The following PGBD5 variants were observed in gnomAD, a reference collection of about 807,000 sequenced individuals.
The protein encoded by PGBD5 is piggyBac transposable element derived 5.
PGBD5 carries 14 observed loss-of-function variants against 47.9 expected under a neutral mutation model. The ratio of observed to expected loss-of-function variants is 0.29; its 90% CI spans 0.19 to 0.46. The LOEUF (loss-of-function observed/expected upper bound fraction) is 0.46. Ranked by LOEUF, PGBD5 falls within the 20% of genes least tolerant of loss-of-function variation. The probability of loss-of-function intolerance (pLI) is 1.00; values close to 1 mark genes in which losing one functional copy is unlikely to be tolerated. For synonymous variants in PGBD5, 316 were observed against 306.3 expected (o/e 1.03, Z -0.33); for missense variants, 635 against 716.0 (o/e 0.89, Z 1.29).
At chr1:230,390,553 C>T (rs1375389344) in intron 1 of PGBD5, among the ~76,000 whole-genome samples, 1 of 152,150 alleles carries the variant, frequency 6.6e-6, no homozygotes, top group Non-Finnish European at 1.5e-5. Context: ...GGGCATCTCA[C>T]CCAGAGGGTG....
intron 1 of PGBD5, among the ~76,000 whole-genome samples, chr1:230,419,236 A>G (rs1194386184): frequency 8.7e-6 from 1 of 115,190 alleles, no homozygotes; most frequent in Non-Finnish European, 1.8e-5. Context: ...TATAAAAAAG[A>G]AGGAAATCAC....
chr1:230,401,797 C>T (rs1326650714), intron 1 of PGBD5, among the ~76,000 whole-genome samples: 2 of 152,204 alleles, frequency 1.3e-5, no homozygotes, highest in African/African-American at 2.4e-5. Context: ...CTTGGAGGCG[C>T]CCTGGCAACA....
chr1:230,362,492 C>CG, intron 1 of PGBD5: 1 of 1,182,046 alleles, frequency 8.5e-7, no homozygotes. Context: ...CCTCCTGGGG[C>CG]TCCAGCTTCA....
intron 1 of PGBD5, among the ~76,000 whole-genome samples, chr1:230,408,126 T>C (rs1558214177): frequency 3.9e-5 from 6 of 152,154 alleles, no homozygotes. Context: ...AAATGTGTGG[T>C]AGAGTGACTA....
chr1:230,403,049 T>C (rs1657182295), intron 1 of PGBD5, among the ~76,000 whole-genome samples: 1 of 152,224 alleles, frequency 6.6e-6, no homozygotes, highest in African/African-American at 2.4e-5. Context: ...GTGAGGTCGT[T>C]AGAGTCCTAT....
At position 230,356,903 on chromosome 1, in the gene PGBD5, G is replaced by A; in HGVS notation, c.750C>T (p.Ser250=). ...QNSFDSAFRP[S]QTQVLHEPLI... ...CCTGCGTGGGCCTCACCTGGGTTTG[G>A]GAAGGCCTGAAGGCAGAGTCGAAGC... Residue 250 remains serine, a synonymous_variant, in exon 2 of 7, where the codon TCC becomes TCT. Coordinates refer to ENST00000391860, the MANE Select transcript of PGBD5 (RefSeq NM_001258311.2). 1 of 1,612,820 alleles carries A rather than the reference G, an allele frequency of 6.2e-7. No homozygotes were observed. Among genetic ancestry groups the A allele is most frequent in the Non-Finnish European group, 8.5e-7 (1 of 1,178,946 alleles).
intron 1 of PGBD5, among the ~76,000 whole-genome samples, chr1:230,406,177 G>A (rs950727807): frequency 2.0e-5 from 3 of 151,746 alleles, no homozygotes; most frequent in South Asian, 2.1e-4. Context: ...GCATGGTGGC[G>A]GGCGCCTGTA....
chr1:230,330,114 T>C (rs1558190817), intron 5 of PGBD5, among the ~76,000 whole-genome samples: 1 of 151,996 alleles, frequency 6.6e-6, no homozygotes, highest in African/African-American at 2.4e-5. Flanking sequence ...GTAAGGAACA[T>C]AAAAAAAATC....
chr1:230,412,495 T>G (rs1558215209), intron 1 of PGBD5, among the ~76,000 whole-genome samples: 1 of 151,380 alleles, frequency 6.6e-6, no homozygotes, highest in Non-Finnish European at 1.5e-5. Context: ...TTCACACCAT[T>G]CTCCTGCCTC....
intron 1 of PGBD5, among the ~76,000 whole-genome samples, chr1:230,395,360 C>T (rs1656913328): frequency 2.2e-5 from 1 of 46,184 alleles, no homozygotes. Flanking sequence ...ACTCCCAACA[C>T]CCTCCCCTCC....
chr1:230,398,940 C>T (rs1571859332), intron 1 of PGBD5, among the ~76,000 whole-genome samples: 3 of 152,160 alleles, frequency 2.0e-5, no homozygotes, highest in South Asian at 2.1e-4. Flanking sequence ...CCAATGAGCT[C>T]GGGGCCAGGC....
At position 230,323,276 on chromosome 1, in the gene PGBD5, T is replaced by A; in HGVS notation, c.*149A>T. 1 of 832,058 alleles carries A rather than the reference T, an allele frequency of 1.2e-6. No homozygotes were observed. Among genetic ancestry groups the A allele is most frequent in the Non-Finnish European group, 1.8e-6 (1 of 544,534 alleles). 51.5% of individuals were successfully genotyped at this position (832,058 alleles called of 1,614,324 possible). On this transcript the variant is annotated 3_prime_UTR_variant, in exon 7 of 7. Transcript: ENST00000391860. This position sits in a 1 kb window ranked among gnomAD's most constrained non-coding sequence, Gnocchi z 4.1. ...GGACAGCAACCGTCCTCTGACCAGG[T>A]CCATCCTGTCCCTCCAGAGGCCCTG...
At chr1:230,355,407 G>A (rs533223669) in intron 2 of PGBD5, among the ~76,000 whole-genome samples, 1 of 152,348 alleles carries the variant, frequency 6.6e-6, no homozygotes, top group African/African-American at 2.4e-5. Flanking sequence ...CGAGCACACA[G>A]CCTTCTGCGG....
intron 1 of PGBD5, among the ~76,000 whole-genome samples, chr1:230,378,810 A>T (rs1328265612): frequency 6.6e-6 from 1 of 152,204 alleles, no homozygotes; most frequent in South Asian, 2.1e-4. Context: ...ACAGGCCTTC[A>T]GTCCTTCAGT....
rs1339777980 is a variant in PGBD5, at chr1:230,318,557, T to G, written c.*4868A>C. 1 of 152,228 alleles carries G rather than the reference T, an allele frequency of 6.6e-6. No individual in the cohort carries two copies. The highest frequency in any genetic ancestry group is 1.9e-4 in the East Asian group (1 of 5,180). 9.4% of individuals were successfully genotyped at this position (152,228 alleles called of 1,614,324 possible). Reference sequence around the variant, plus strand: ...ACTACCTTGTGAACTTCTGGGGACTTCTTTCGTTTGGAACTCCCACTACAC... The same window carrying G: ...ACTACCTTGTGAACTTCTGGGGACTGCTTTCGTTTGGAACTCCCACTACAC... On this transcript the variant is annotated 3_prime_UTR_variant, in exon 7 of 7. Coordinates refer to ENST00000391860, the MANE Select transcript of PGBD5 (RefSeq NM_001258311.2).
intron 1 of PGBD5, among the ~76,000 whole-genome samples, chr1:230,411,786 A>G (rs1048627926): frequency 1.3e-5 from 2 of 152,188 alleles, no homozygotes; most frequent in Non-Finnish European, 2.9e-5. Context: ...CAGGAACATA[A>G]GGGTACCTCA....
chr1:230,316,111 CAT>C lies in PGBD5; in HGVS notation c.*7312_*7313del, dbSNP rs1419202789. 4.7e-5 allele frequency: 7 copies of C among 149,956 alleles called. No individual in the cohort carries two copies. Among genetic ancestry groups the C allele is most frequent in the South Asian group, 4.2e-4 (2 of 4,716 alleles). The allele number at this position is 149,956 out of a possible 1,614,324, so 9.3% of individuals were successfully genotyped here. A position where few individuals can be genotyped will look rare whatever the true frequency, so the allele number is the denominator to read the frequency against. ...ATACATACATATGTTTATGTGTACA[CAT>C]ATATCTATGTGTATACATACATATG... On this transcript the variant is annotated 3_prime_UTR_variant, in exon 7 of 7. Coordinates refer to ENST00000391860, the MANE Select transcript of PGBD5 (RefSeq NM_001258311.2).
intron 1 of PGBD5, among the ~76,000 whole-genome samples, chr1:230,402,146 G>A (rs1657152929): frequency 6.6e-6 from 1 of 152,172 alleles, no homozygotes; most frequent in Non-Finnish European, 1.5e-5. Flanking sequence ...AACATGCCAA[G>A]CATTACTAAG....
chr1:230,328,936 CA>C (rs202101634), intron 5 of PGBD5, among the ~76,000 whole-genome samples: 1 of 150,818 alleles, frequency 6.6e-6, no homozygotes. Flanking sequence ...CAGCATTTAA[CA>C]TTTTTTTTTT....
Sources: gnomAD v4.1 joint callset for allele counts (sites outside exome capture counted in the v4.1 genomes callset) on GRCh38, gnomAD v4.1.1 for gene constraint, Gnocchi (gnomAD v3.1) non-coding constraint, MANE v1.5 for transcripts, NCBI Gene and HGNC (gene_info 2026-07-23, HGNC 2026-07-21) for gene names.